Variants in PDZRN3 observed in about 807,000 individuals in gnomAD.
PDZRN3 encodes the protein PDZ domain containing ring finger 3, also known as E3 ubiquitin-protein ligase PDZRN3.
Under a neutral mutation model 85.7 loss-of-function variants are expected in PDZRN3, and 38 were observed. That is an observed-to-expected ratio of 0.44 (90% CI 0.34 to 0.58). PDZRN3 has a LOEUF of 0.58. Ranked by LOEUF, PDZRN3 falls within the 20% of genes least tolerant of loss-of-function variation. The pLI, the probability that PDZRN3 is intolerant of heterozygous loss-of-function variation, is 0.01. For synonymous variants in PDZRN3, 759 were observed against 638.0 expected, an observed-to-expected ratio of 1.19 and a Z score of -2.86; for missense variants, 1,629 against 1,506.4, an observed-to-expected ratio of 1.08 and a Z score of -1.35.
rs898100685 is a variant in PDZRN3 at position 73,385,679 on chromosome 3, A to G, written c.1625T>C (p.Val542Ala). 8.7e-6 allele frequency: 14 copies of G among 1,604,912 alleles called. No homozygotes were observed. Among genetic ancestry groups the G allele is most frequent in the Non-Finnish European group, 1.2e-5 (14 of 1,172,092 alleles). The change falls in exon 9 of 10, where the codon GTG becomes GCG. Residue 542 changes from valine (V) to alanine (A), a missense_variant. Coordinates refer to ENST00000263666, the MANE Select transcript of PDZRN3 (RefSeq NM_015009.3). Reference sequence around the variant, plus strand: ...GTGCGTGGGCGTTACCTGCTGCAGCACGCTAGCTGTGAATTGCATGGCCTG... The same window carrying G: ...GTGCGTGGGCGTTACCTGCTGCAGCGCGCTAGCTGTGAATTGCATGGCCTG... The part of the protein sequence containing the change: ...HHQAMQFTAS[V>A]LQQKKHDEDG...
At chr3:73,556,660 G>A (rs1701701912) in intron 3 of PDZRN3, 1 of 152,202 alleles carries the variant, frequency 6.6e-6, no homozygotes, top group African/African-American at 2.4e-5. Context: ...CAACCACCCA[G>A]TGCATGGAGA....
rs1286464813 is a variant in PDZRN3 at position 73,382,787 on chromosome 3, T to G, written c.*578A>C. 6 of 152,806 alleles carry G rather than the reference T, an allele frequency of 3.9e-5. No individual in the cohort carries two copies. Among genetic ancestry groups the G allele is most frequent in the Non-Finnish European group, 1.5e-5 (1 of 68,168 alleles). 9.5% of individuals were successfully genotyped at this position (152,806 alleles called of 1,614,324 possible). ...CTTGGGAACCTTAACCAGGAAAATGTTTAAATGTATATCCCAACTCTAAAC... is the reference window on the plus strand; with the variant it reads ...CTTGGGAACCTTAACCAGGAAAATGGTTAAATGTATATCCCAACTCTAAAC... On this transcript the variant is annotated 3_prime_UTR_variant, in exon 10 of 10. Coordinates refer to ENST00000263666, the MANE Select transcript of PDZRN3 (RefSeq NM_015009.3).
At chr3:73,604,195 C>T (rs893353715) in intron 2 of PDZRN3, among the ~76,000 whole-genome samples, 7 of 152,210 alleles carry the variant, frequency 4.6e-5, no homozygotes, top group Admixed American at 2.6e-4. Context: ...TCCTCTCTCA[C>T]GGCAGCCTTA....
At chr3:73,559,782 T>C (rs958593020) in intron 3 of PDZRN3, among the ~76,000 whole-genome samples, 2 of 152,216 alleles carry the variant, frequency 1.3e-5, no homozygotes, top group Non-Finnish European at 2.9e-5. Context: ...TGACTGAAGT[T>C]TGGCCAAGGC....
At chr3:73,444,273 A>G (rs1347543293) in intron 3 of PDZRN3, among the ~76,000 whole-genome samples, 2 of 152,208 alleles carry the variant, frequency 1.3e-5, no homozygotes, top group Non-Finnish European at 2.9e-5. Context: ...TTTGTCCATC[A>G]GAATTGATCT....
intron 3 of PDZRN3, among the ~76,000 whole-genome samples, chr3:73,404,872 T>C (rs921219439): frequency 8.5e-5 from 13 of 152,234 alleles, no homozygotes; most frequent in Admixed American, 6.5e-4. Flanking sequence ...AAAAAGTCCA[T>C]TGAAAATATT....
chr3:73,384,047 C>A lies in PDZRN3; in HGVS notation c.2519G>T (p.Arg840Leu), dbSNP rs767010837. The change falls in exon 10 of 10, where the codon CGG becomes CTG. Residue 840 changes from arginine (R) to leucine (L), a missense_variant. By Grantham distance (102) the Arg-to-Leu change is moderately radical (BLOSUM62 -2). Transcript: ENST00000263666. ...DPNQPLESKE[R>L]RASDGSRSPT... ...GCTCCGGCTCCCGTCGCTGGCTCTCCGCTCTTTGCTTTCCAGGGGCTGGTT... is the reference window on the plus strand; with the variant it reads ...GCTCCGGCTCCCGTCGCTGGCTCTCAGCTCTTTGCTTTCCAGGGGCTGGTT... 1.2e-6 allele frequency: 2 copies of A among 1,603,216 alleles called. No homozygotes were observed. The highest frequency in any genetic ancestry group is 1.7e-5 in the Admixed American group (1 of 59,090).
At position 73,407,785 on chromosome 3, in the gene PDZRN3, A is replaced by G. The variant is rs1701883973; in HGVS notation, c.919-3390T>C. ...CCGCTTGGATCAGTCTAAAGCTAAA[A>G]GCATTCTTGGCTACAAAGAGCTCCT... On this transcript the variant is annotated intron_variant, in intron 3 of 9. Transcript: ENST00000263666. Among the ~76,000 whole-genome samples the G allele has an allele frequency of 1.3e-5, 2 of 152,218 alleles. 1 individual carries two copies. Among genetic ancestry groups the G allele is most frequent in the South Asian group, 4.1e-4 (2 of 4,832 alleles).
intron 3 of PDZRN3, among the ~76,000 whole-genome samples, chr3:73,492,939 T>C (rs1703798262): frequency 6.7e-6 from 1 of 149,512 alleles, no homozygotes; most frequent in African/African-American, 2.5e-5. Context: ...AAAACAAAAA[T>C]AAATGAGTAC....
At chr3:73,481,875 C>T (rs1703568111) in intron 3 of PDZRN3, among the ~76,000 whole-genome samples, 2 of 152,210 alleles carry the variant, frequency 1.3e-5, no homozygotes, top group Middle Eastern at 3.4e-3. Flanking sequence ...AAAAGAATTC[C>T]TCCTTCCCTT....
At chr3:73,557,555 T>A (rs917532279) in intron 3 of PDZRN3, among the ~76,000 whole-genome samples, 35 of 152,196 alleles carry the variant, frequency 2.3e-4, no homozygotes, top group Non-Finnish European at 2.1e-4. Flanking sequence ...AACTATGTAA[T>A]CAAACTAACG....
At chr3:73,569,227 T>C in intron 3 of PDZRN3, 1 of 1,288,118 alleles carries the variant, frequency 7.8e-7, no homozygotes, top group Non-Finnish European at 1.0e-6. Flanking sequence ...CCTTCATAAA[T>C]ACTTCAGTCT....
At chr3:73,534,327 C>A (rs7649134) in intron 3 of PDZRN3, among the ~76,000 whole-genome samples, 1 of 151,988 alleles carries the variant, frequency 6.6e-6, no homozygotes, top group Non-Finnish European at 1.5e-5. Context: ...TCTGAAGCTA[C>A]GCTAATTCCA....
At chr3:73,400,645 TTCAA>T (rs1167341242) in intron 5 of PDZRN3, among the ~76,000 whole-genome samples, 1 of 152,228 alleles carries the variant, frequency 6.6e-6, no homozygotes, top group African/African-American at 2.4e-5. Context: ...ATTATGTGGA[TTCAA>T]AGGTTGACAA....
intron 3 of PDZRN3, among the ~76,000 whole-genome samples, chr3:73,429,795 A>AT (rs1455525807): frequency 6.6e-6 from 1 of 152,140 alleles, no homozygotes; most frequent in African/African-American, 2.4e-5. Context: ...TTCTCAAATC[A>AT]TTCATTCTTC....
intron 3 of PDZRN3, among the ~76,000 whole-genome samples, chr3:73,508,090 A>G (rs942627163): frequency 2.6e-5 from 4 of 150,964 alleles, no homozygotes; most frequent in African/African-American, 9.7e-5. Context: ...GACGGTCTCA[A>G]AAAAAAAAGA....
intron 3 of PDZRN3, among the ~76,000 whole-genome samples, chr3:73,534,818 A>G (rs1472878430): frequency 6.6e-6 from 1 of 152,192 alleles, no homozygotes; most frequent in Non-Finnish European, 1.5e-5. Context: ...TGTCATTTCT[A>G]TCTTTCTAAT....
intron 5 of PDZRN3, among the ~76,000 whole-genome samples, chr3:73,393,730 T>G (rs1305867660): frequency 1.3e-5 from 2 of 152,202 alleles, no homozygotes; most frequent in Non-Finnish European, 2.9e-5. Context: ...TCCTTGCTTG[T>G]ATTTCTTGCT....
At chr3:73,586,008 T>C (rs942730444) in intron 3 of PDZRN3, among the ~76,000 whole-genome samples, 1 of 152,240 alleles carries the variant, frequency 6.6e-6, no homozygotes, top group Non-Finnish European at 1.5e-5. Context: ...AAAGGTTTAC[T>C]TGAAATACAA....
Sources: gnomAD v4.1 joint callset for allele counts (sites outside exome capture counted in the v4.1 genomes callset) on GRCh38, gnomAD v4.1.1 for gene constraint, MANE v1.5 for transcripts, NCBI Gene and HGNC (gene_info 2026-07-23, HGNC 2026-07-21) for gene names.